MKLN1: variants seen among roughly 807,000 people sequenced by gnomAD.
The protein encoded by MKLN1 is muskelin 1.
Under a neutral mutation model 99.0 loss-of-function variants are expected in MKLN1, and 18 were observed. The observed-to-expected ratio is 0.18, with a 90% CI of 0.13 to 0.27. The LOEUF (loss-of-function observed/expected upper bound fraction) is 0.27, where lower values mean the gene tolerates loss of function less well. Among genes scored for constraint, MKLN1 ranks in the 10% least tolerant of loss-of-function variants. The probability of loss-of-function intolerance (pLI) is 1.00; values close to 1 mark genes in which losing one functional copy is unlikely to be tolerated. For missense variants in MKLN1, 621 were observed against 875.9 expected (o/e 0.71, Z 3.67); for synonymous variants, 288 against 293.2 (o/e 0.98, Z 0.18).
intron 1 of MKLN1, among the ~76,000 whole-genome samples, chr7:131,355,566 A>C (rs901251134): frequency 6.7e-6 from 1 of 149,462 alleles, no homozygotes; most frequent in Non-Finnish European, 1.5e-5. Flanking sequence ...CTTCTCTTGC[A>C]TTATATCTTC....
intron 1 of MKLN1, among the ~76,000 whole-genome samples, chr7:131,372,441 A>G (rs1301745833): frequency 6.6e-6 from 1 of 152,120 alleles, no homozygotes; most frequent in Non-Finnish European, 1.5e-5. Context: ...TGAGAATTAT[A>G]TTAATAACTT....
chr7:131,133,850 A>C, intron 1 of MKLN1, among the ~76,000 whole-genome samples: 1 of 60,370 alleles, frequency 1.7e-5, no homozygotes, highest in Non-Finnish European at 3.2e-5. Flanking sequence ...TTTTTTTGAG[A>C]CGAAGTTTTG....
chr7:131,311,575 C>G (rs1458816794), intron 3 of MKLN1, among the ~76,000 whole-genome samples: 1 of 152,206 alleles, frequency 6.6e-6, no homozygotes, highest in Non-Finnish European at 1.5e-5. Context: ...TCCAGAGGTT[C>G]CTTTTGGAAA....
chr7:131,132,947 A>AGAAAGAAAGAAAGAAAG (rs1182285897), intron 1 of MKLN1, among the ~76,000 whole-genome samples: 51 of 56,598 alleles, frequency 9.0e-4, no homozygotes, highest in African/African-American at 2.1e-3. Context: ...AAAAAAAAAA[A>AGAAAGAAAGAAAGAAAG]AAAGAAAGAA....
chr7:131,176,101 T>G lies in MKLN1; in HGVS notation c.-296-26756T>G, dbSNP rs376708416. Among the ~76,000 whole-genome samples, 46 of 152,300 alleles carry G rather than the reference T, an allele frequency of 3.0e-4. No individual in the cohort carries two copies. The East Asian group carries it at 8.7e-3, about 29-fold the overall frequency. ...CAGGGATAAACTTCAAAGTTTATTATTTTTATTAAAGTTTATTTTATCAAA... is the reference window on the plus strand; with the variant it reads ...CAGGGATAAACTTCAAAGTTTATTAGTTTTATTAAAGTTTATTTTATCAAA... On this transcript the variant is annotated intron_variant, in intron 2 of 7. Coordinates refer to the MKLN1 transcript ENST00000416992.
At chr7:131,390,601 G>A (rs1275675131) in intron 4 of MKLN1, among the ~76,000 whole-genome samples, 1 of 152,018 alleles carries the variant, frequency 6.6e-6, no homozygotes, top group Non-Finnish European at 1.5e-5. Flanking sequence ...ACAATGTGAT[G>A]TTTTGACATA....
intron 2 of MKLN1, among the ~76,000 whole-genome samples, chr7:131,167,396 G>A (rs948086120): frequency 6.6e-6 from 1 of 152,192 alleles, no homozygotes; most frequent in Non-Finnish European, 1.5e-5. Context: ...AGAAGGCCAG[G>A]TATGGTGGCT....
rs58377694 is a variant in MKLN1, at chr7:131,355,628, C to CTATATATATATATATATATATATA, written c.99-19775_99-19774insATATATATATATATATATATATAT. On this transcript the variant is annotated intron_variant, in intron 1 of 17. Transcript: ENST00000352689. Reference sequence around the variant, plus strand: ...AGGCTCTGATTTCTTTAACTTGATACTATATATATATATATATATATGCTT... The same window carrying CTATATATATATATATATATATATA: ...AGGCTCTGATTTCTTTAACTTGATACTATATATATATATATATATATATATATATATATATATATATATATGCTT... Among the ~76,000 whole-genome samples, 315 of 136,680 alleles carry CTATATATATATATATATATATATA rather than the reference C, an allele frequency of 2.3e-3. 2 individuals are homozygous for CTATATATATATATATATATATATA. Among genetic ancestry groups the CTATATATATATATATATATATATA allele is most frequent in the African/African-American group, 4.7e-3 (163 of 34,830 alleles). The allele number at this position is 136,680 out of a possible 152,430, so 89.7% of individuals were successfully genotyped here. A position where few individuals can be genotyped will look rare whatever the true frequency, so the allele number is the denominator to read the frequency against.
intron 1 of MKLN1, among the ~76,000 whole-genome samples, chr7:131,133,632 G>T (rs1392373665): frequency 6.6e-6 from 1 of 150,824 alleles, no homozygotes; most frequent in African/African-American, 2.4e-5. Context: ...GATTATAGGC[G>T]TGAGCCACCG....
chr7:131,474,568 T>C (rs1796913142), intron 16 of MKLN1, among the ~76,000 whole-genome samples: 1 of 152,160 alleles, frequency 6.6e-6, no homozygotes, highest in Non-Finnish European at 1.5e-5. Context: ...TTTCTCCTTA[T>C]CCTATATGTA....
intron 1 of MKLN1, among the ~76,000 whole-genome samples, chr7:131,365,809 GT>G (rs559012381): frequency 1.3e-5 from 2 of 150,560 alleles, no homozygotes; most frequent in African/African-American, 2.4e-5. Context: ...TTTTATGTGT[GT>G]TTTTTTTTAT....
intron 2 of MKLN1, among the ~76,000 whole-genome samples, chr7:131,194,534 A>G (rs1326906848): frequency 6.6e-6 from 1 of 152,260 alleles, no homozygotes. Context: ...GCTTAAATCA[A>G]TACATTAAAT....
At chr7:131,348,361 T>C (rs1399500215) in intron 1 of MKLN1, among the ~76,000 whole-genome samples, 1 of 152,200 alleles carries the variant, frequency 6.6e-6, no homozygotes, top group Non-Finnish European at 1.5e-5. Flanking sequence ...AGGACACATG[T>C]AGAAAATAAT....
intron 3 of MKLN1, among the ~76,000 whole-genome samples, chr7:131,387,877 T>C (rs1431671729): frequency 6.6e-6 from 1 of 151,992 alleles, no homozygotes; most frequent in East Asian, 1.9e-4. Flanking sequence ...ATTTAGAATA[T>C]ATTTGTGATG....
chr7:131,428,947 G>A, intron 8 of MKLN1, 86 bp from the exon 9 acceptor site: 1 of 934,454 alleles, frequency 1.1e-6, no homozygotes, highest in Non-Finnish European at 1.7e-6. Flanking sequence ...AGCTTCTTAA[G>A]TGGCCTTAGA....
At chr7:131,165,080 G>A (rs1233307303) in intron 2 of MKLN1, among the ~76,000 whole-genome samples, 1 of 152,184 alleles carries the variant, frequency 6.6e-6, no homozygotes, top group African/African-American at 2.4e-5. Flanking sequence ...ATTCCAGCCA[G>A]GGAGAGTGGG....
chr7:131,279,325 G>A lies in MKLN1; in HGVS notation c.-179+76351G>A, dbSNP rs557430284. The stretch of plus-strand genomic sequence containing the variant: ...AGACCTAAATTATGTGAAGCCAGTA[G>A]TGCAACGTTTTGAGGTAATGATCTC... On this transcript the variant is annotated intron_variant, in intron 3 of 7. Coordinates refer to the MKLN1 transcript ENST00000416992. 3.9e-5 allele frequency among the ~76,000 whole-genome samples: 6 copies of A among 152,346 alleles called. No individual in the cohort carries two copies. The South Asian group carries it at 1.2e-3, about 32-fold the overall frequency.
In MKLN1 at chr7:131,162,948, A is replaced by T. The variant is rs116902608; in HGVS notation, c.-297+20007A>T. Among the ~76,000 whole-genome samples, 1,204 of 152,308 alleles carry T rather than the reference A, an allele frequency of 7.9e-3. 73 individuals carry two copies. The East Asian group carries it at 0.13, about 16-fold the overall frequency. ...ACATGTGGCTCACATTGTGGCTTCC[A>T]TTATGTTTCTATTGGACAGCACTGG... On this transcript the variant is annotated intron_variant, in intron 2 of 7. Transcript: ENST00000416992.
intron 3 of MKLN1, among the ~76,000 whole-genome samples, chr7:131,271,896 C>A (rs140487080): frequency 1.4e-5 from 2 of 139,106 alleles, no homozygotes; most frequent in Non-Finnish European, 3.1e-5. Context: ...GCAACAAAAG[C>A]GAAACTCTGT....
Sources: allele counts gnomAD v4.1 joint callset (sites outside exome capture counted in the v4.1 genomes callset), GRCh38; gene constraint gnomAD v4.1.1; transcripts MANE v1.5; gene names NCBI Gene and HGNC (gene_info 2026-07-23, HGNC 2026-07-21).